The following PPP1R12B variants were observed in gnomAD, a reference collection of about 807,000 sequenced individuals.
PPP1R12B encodes myosin phosphatase target subunit 2.
In PPP1R12B, 76 loss-of-function variants were observed where a neutral mutation model predicts 126.1. The observed-to-expected ratio is 0.60, with a 90% confidence interval of 0.50 to 0.73. The LOEUF (loss-of-function observed/expected upper bound fraction) is 0.73, where lower values mean the gene tolerates loss of function less well. PPP1R12B is among the 30% of genes least tolerant of loss of function. The pLI, the probability that PPP1R12B is intolerant of heterozygous loss-of-function variation, is 0.00. For missense variants in PPP1R12B, 1,052 were observed against 1,205.1 expected (o/e 0.87, Z 1.88); for synonymous variants, 356 against 434.7 (o/e 0.82, Z 2.25).
At chr1:202,494,480 T>G (rs1679272983) in intron 15 of PPP1R12B, among the ~76,000 whole-genome samples, 1 of 151,798 alleles carries the variant, frequency 6.6e-6, no homozygotes, top group Non-Finnish European at 1.5e-5. Flanking sequence ...ACAATCTCTA[T>G]GTCATAAATT....
chr1:202,412,463 T>C (rs1005212944), intron 1 of PPP1R12B, among the ~76,000 whole-genome samples: 5 of 152,204 alleles, frequency 3.3e-5, no homozygotes, highest in African/African-American at 1.2e-4. Flanking sequence ...GCTGGGCTTA[T>C]TTTAGGGCCT....
chr1:202,524,421 G>A (rs1683101773), intron 18 of PPP1R12B, among the ~76,000 whole-genome samples: 1 of 152,090 alleles, frequency 6.6e-6, no homozygotes, highest in Non-Finnish European at 1.5e-5. Flanking sequence ...TTGGTTATAT[G>A]AATAAGTTCT....
intron 12 of PPP1R12B, among the ~76,000 whole-genome samples, chr1:202,446,256 A>ATATATATATATATAT (rs376183502): frequency 7.4e-5 from 4 of 54,336 alleles, no homozygotes; most frequent in Non-Finnish European, 3.2e-5. Context: ...ATATATATAT[A>ATATATATATATATAT]TTTTTTTTTT....
chr1:202,553,317 T>A (rs1686511902), intron 18 of PPP1R12B, among the ~76,000 whole-genome samples: 1 of 152,182 alleles, frequency 6.6e-6, no homozygotes. Flanking sequence ...TGAAAGTAAT[T>A]CCTTCTTTGA....
chr1:202,570,407 T>G (rs930928097), intron 23 of PPP1R12B, among the ~76,000 whole-genome samples: 1 of 152,164 alleles, frequency 6.6e-6, no homozygotes, highest in African/African-American at 2.4e-5. Context: ...GAAGGAGAAA[T>G]GCTGAGCCTT....
intron 1 of PPP1R12B, among the ~76,000 whole-genome samples, chr1:202,365,471 T>A (rs967636585): frequency 1.1e-4 from 17 of 152,210 alleles, no homozygotes; most frequent in African/African-American, 4.1e-4. Flanking sequence ...AGTGCTGCTT[T>A]ATACCAAGTG....
intron 1 of PPP1R12B, among the ~76,000 whole-genome samples, chr1:202,413,057 A>C (rs527752775): frequency 7.8e-4 from 118 of 152,110 alleles, no homozygotes; most frequent in Non-Finnish European, 1.5e-3. Flanking sequence ...CATAGAAGAA[A>C]TATAATTTCT....
intron 18 of PPP1R12B, among the ~76,000 whole-genome samples, chr1:202,518,907 A>T (rs1682451438): frequency 6.6e-6 from 1 of 152,218 alleles, no homozygotes. Flanking sequence ...GCAATAGTGG[A>T]TAGAAATCTG....
chr1:202,355,146 C>T (rs1051992235), intron 1 of PPP1R12B, among the ~76,000 whole-genome samples: 20 of 151,934 alleles, frequency 1.3e-4, no homozygotes, highest in African/African-American at 4.8e-4. Flanking sequence ...CTCAGGTAAT[C>T]CACCCGCCTC....
chr1:202,490,553 T>C (rs1678722351), intron 14 of PPP1R12B, among the ~76,000 whole-genome samples: 1 of 152,214 alleles, frequency 6.6e-6, no homozygotes, highest in Non-Finnish European at 1.5e-5. Flanking sequence ...TACATTTACA[T>C]TGTTGTATAA....
At chr1:202,512,945 G>C (rs1375907542) in intron 18 of PPP1R12B, among the ~76,000 whole-genome samples, 2 of 152,152 alleles carry the variant, frequency 1.3e-5, no homozygotes, top group African/African-American at 4.8e-5. Context: ...ATCATACTAT[G>C]TTGTATTTGC....
At position 202,420,967 on chromosome 1, in the gene PPP1R12B, CT is replaced by C. The variant is rs56164548; in HGVS notation, c.423-1632del. On this transcript the variant is annotated intron_variant, in intron 2 of 23. Transcript: ENST00000608999. ...CTATTGATTCTTTTCCCTCTGCCAA[CT>C]TTTTTTTTTTTTTTTTTTTTGAGAT... Among the ~76,000 whole-genome samples, 116 of 118,556 alleles carry C rather than the reference CT, an allele frequency of 9.8e-4. 3 individuals carry two copies. Among genetic ancestry groups the C allele is most frequent in the African/African-American group, 3.6e-3 (107 of 29,498 alleles). The allele number at this position is 118,556 out of a possible 152,430, so 77.8% of individuals were successfully genotyped here.
chr1:202,362,390 G>A (rs752619006), intron 1 of PPP1R12B, among the ~76,000 whole-genome samples: 14 of 152,180 alleles, frequency 9.2e-5, no homozygotes, highest in Non-Finnish European at 2.1e-4. Context: ...CCTTCCATCT[G>A]TTAAGAATCA....
At chr1:202,486,070 C>T (rs1488053317) in intron 13 of PPP1R12B, among the ~76,000 whole-genome samples, 2 of 152,078 alleles carry the variant, frequency 1.3e-5, no homozygotes, top group African/African-American at 2.4e-5. Flanking sequence ...TTTGAAGAGA[C>T]GAGGTTTTGC....
chr1:202,544,090 G>A (rs1685407647), intron 18 of PPP1R12B, among the ~76,000 whole-genome samples: 2 of 152,284 alleles, frequency 1.3e-5, no homozygotes, highest in African/African-American at 4.8e-5. Context: ...GGTAGATATT[G>A]ATGAGAATTT....
At chr1:202,513,553 G>A (rs1681780552) in intron 18 of PPP1R12B, among the ~76,000 whole-genome samples, 1 of 152,100 alleles carries the variant, frequency 6.6e-6, no homozygotes. Flanking sequence ...GAAGTTCCAG[G>A]GCTAGAGATA....
intron 23 of PPP1R12B, among the ~76,000 whole-genome samples, chr1:202,580,190 A>G (rs947119296): frequency 6.6e-6 from 1 of 152,250 alleles, no homozygotes; most frequent in Admixed American, 6.5e-5. Context: ...ATGAAAGGAT[A>G]TACAGTGTGA....
At chr1:202,499,072 C>T (rs908697133) in intron 18 of PPP1R12B, among the ~76,000 whole-genome samples, 1 of 151,948 alleles carries the variant, frequency 6.6e-6, no homozygotes, top group African/African-American at 2.4e-5. Context: ...TGGGTTTTGA[C>T]ACTTGTATGT....
chr1:202,400,136 A>G (rs1665616182), intron 1 of PPP1R12B, among the ~76,000 whole-genome samples: 1 of 152,100 alleles, frequency 6.6e-6, no homozygotes, highest in African/African-American at 2.4e-5. Context: ...TCCTGTGTTA[A>G]TTTACTTAGG....
Sources: allele counts gnomAD v4.1 joint callset (sites outside exome capture counted in the v4.1 genomes callset), GRCh38; gene constraint gnomAD v4.1.1; transcripts MANE v1.5; gene names NCBI Gene and HGNC (gene_info 2026-07-23, HGNC 2026-07-21).